Variants in STK39 observed in about 807,000 individuals in gnomAD.
The protein encoded by STK39 is STE20/SPS1-related proline-alanine-rich protein kinase.
STK39 carries 20 observed loss-of-function variants against 77.8 expected under a neutral mutation model. The ratio of observed to expected loss-of-function variants is 0.26; its 90% CI spans 0.18 to 0.37. The LOEUF (loss-of-function observed/expected upper bound fraction) is 0.37, where lower values mean the gene tolerates loss of function less well. STK39 is among the 10% of genes least tolerant of loss of function. The pLI is 1.00. For missense variants in STK39, 479 were observed against 656.5 expected, an observed-to-expected ratio of 0.73 and a Z score of 2.95; for synonymous variants, 246 against 234.1, an observed-to-expected ratio of 1.05 and a Z score of -0.47.
rs113627244 is a variant in STK39 at position 167,958,792 on chromosome 2, T to C, written c.1564-3222A>G. Among the ~76,000 whole-genome samples the C allele has an allele frequency of 1.3e-3, 205 of 152,336 alleles. 3 individuals are homozygous for C. The highest frequency in any genetic ancestry group is 4.7e-3 in the African/African-American group (194 of 41,574). On this transcript the variant is annotated intron_variant, in intron 17 of 17. Coordinates refer to ENST00000355999, the MANE Select transcript of STK39 (RefSeq NM_013233.3). ...CACTCTGAAACCACAGTATTGAAGT[T>C]TTCATACCCTGTTACCTTAAAATCT...
In STK39 at chr2:168,081,954, C is replaced by T. The variant is rs183982465; in HGVS notation, c.1090-6723G>A. 1.2e-3 allele frequency among the ~76,000 whole-genome samples: 188 copies of T among 152,268 alleles called. 2 individuals are homozygous for T. The highest frequency in any genetic ancestry group is 2.5e-3 in the South Asian group (12 of 4,818). On this transcript the variant is annotated intron_variant, in intron 10 of 17. Transcript: ENST00000355999. ...CTCCCTAGCCACATGGAACTATAAG[C>T]CCATTAAACCTCTATTTCTTTTGTA...
At chr2:168,218,494 TC>T (rs1445823929) in intron 1 of STK39, among the ~76,000 whole-genome samples, 3 of 152,188 alleles carry the variant, frequency 2.0e-5, no homozygotes, top group Non-Finnish European at 4.4e-5. Context: ...TCAACTGCTC[TC>T]CCACTTCTCC....
intron 1 of STK39, among the ~76,000 whole-genome samples, chr2:168,241,095 C>T (rs1574587051): frequency 6.6e-6 from 1 of 152,184 alleles, no homozygotes; most frequent in African/African-American, 2.4e-5. Context: ...ACGAGATAAC[C>T]GAGTAGCCAG....
intron 1 of STK39, among the ~76,000 whole-genome samples, chr2:168,199,524 A>AT (rs1162506752): frequency 6.7e-6 from 1 of 149,556 alleles, no homozygotes; most frequent in Non-Finnish European, 1.5e-5. Flanking sequence ...GTAATCCTGC[A>AT]TTTTAACTTT....
intron 2 of STK39, among the ~76,000 whole-genome samples, chr2:168,172,952 G>A (rs1688864742): frequency 6.6e-6 from 1 of 152,168 alleles, no homozygotes; most frequent in African/African-American, 2.4e-5. Context: ...ACCCACACCT[G>A]AGTCCCGGCC....
intron 17 of STK39, among the ~76,000 whole-genome samples, chr2:167,956,950 T>C (rs1691802093): frequency 1.3e-5 from 2 of 152,076 alleles, no homozygotes; most frequent in African/African-American, 4.8e-5. Flanking sequence ...AAACGTGCCC[T>C]TTCCAATCAC....
intron 1 of STK39, among the ~76,000 whole-genome samples, chr2:168,198,226 T>C (rs771102387): frequency 6.6e-6 from 1 of 152,210 alleles, no homozygotes; most frequent in Non-Finnish European, 1.5e-5. Flanking sequence ...AATTCTGCTA[T>C]TGTCACTGAG....
intron 14 of STK39, among the ~76,000 whole-genome samples, chr2:168,023,222 TA>T (rs1182098718): frequency 6.6e-6 from 1 of 151,580 alleles, no homozygotes; most frequent in Non-Finnish European, 1.5e-5. Flanking sequence ...AGCCTGACTT[TA>T]AAAAAATGTT....
rs778734921 is a variant in STK39, at chr2:168,140,682, G to T, written c.705C>A (p.Thr235=). The change falls in exon 6 of 18, where the codon ACC becomes ACA. Residue 235 remains threonine (T), a synonymous_variant. Transcript: ENST00000355999. The stretch of plus-strand genomic sequence containing the variant: ...TGACTTCAGGAGCCATCCAACATGG[G>T]GTGCCAACGAATGTTTTTCTTACTT... ...RNKVRKTFVG[T]PCWMAPEVME... 1 of 1,611,460 alleles carries T rather than the reference G, an allele frequency of 6.2e-7. No individual in the cohort carries two copies. The highest frequency in any genetic ancestry group is 1.1e-5 in the South Asian group (1 of 90,790).
At chr2:168,025,645 A>C (rs1684676381) in intron 14 of STK39, among the ~76,000 whole-genome samples, 1 of 152,260 alleles carries the variant, frequency 6.6e-6, no homozygotes, top group African/African-American at 2.4e-5. Flanking sequence ...TATTCAGGGA[A>C]TAGTCCTTGG....
At chr2:168,046,442 G>A (rs1394527538) in intron 14 of STK39, among the ~76,000 whole-genome samples, 1 of 152,184 alleles carries the variant, frequency 6.6e-6, no homozygotes, top group Non-Finnish European at 1.5e-5. Context: ...AGAAGGAGCA[G>A]CCGTTCAGCA....
chr2:168,186,160 C>T (rs891267992), intron 1 of STK39, among the ~76,000 whole-genome samples: 1 of 152,062 alleles, frequency 6.6e-6, no homozygotes, highest in Non-Finnish European at 1.5e-5. Flanking sequence ...CAAAAAGAGA[C>T]AATAGAGAGC....
intron 1 of STK39, among the ~76,000 whole-genome samples, chr2:168,216,596 C>T (rs140759569): frequency 9.7e-4 from 148 of 152,228 alleles, no homozygotes; most frequent in African/African-American, 3.4e-3. Context: ...TTTTCAGTGA[C>T]GTGAGTCATC....
chr2:168,042,000 C>T (rs1337194630), intron 14 of STK39, among the ~76,000 whole-genome samples: 1 of 152,164 alleles, frequency 6.6e-6, no homozygotes, highest in East Asian at 1.9e-4. Flanking sequence ...GCTTGCCTCG[C>T]TATATAATCT....
At chr2:168,138,398 T>A (rs1687892414) in intron 7 of STK39, among the ~76,000 whole-genome samples, 177 bp from the exon 8 acceptor site, 1 of 152,272 alleles carries the variant, frequency 6.6e-6, no homozygotes, top group African/African-American at 2.4e-5. Flanking sequence ...GCAAATGTGT[T>A]CATGCCCCCT....
At position 168,214,303 on chromosome 2, in the gene STK39, C is replaced by T. The variant is rs541696979; in HGVS notation, c.209-32213G>A. On this transcript the variant is annotated intron_variant, in intron 1 of 17. Coordinates refer to ENST00000355999, the MANE Select transcript of STK39 (RefSeq NM_013233.3). ...CTAAAAAGTGGGTACATTTTATCTA[C>T]GTAAATTAGATCTCAATAAAGATTG... Among the ~76,000 whole-genome samples the T allele has an allele frequency of 1.1e-4, 17 of 150,920 alleles. 1 individual carries two copies. The South Asian group carries it at 3.4e-3, about 30-fold the overall frequency.
intron 16 of STK39, among the ~76,000 whole-genome samples, chr2:167,984,950 TA>T (rs1413587619): frequency 6.6e-6 from 1 of 152,028 alleles, no homozygotes; most frequent in African/African-American, 2.4e-5. Flanking sequence ...ACATAGAATG[TA>T]AAAAAAACTA....
chr2:168,168,661 G>GT (rs1404775984), intron 2 of STK39, among the ~76,000 whole-genome samples: 1 of 152,172 alleles, frequency 6.6e-6, no homozygotes, highest in Non-Finnish European at 1.5e-5. Flanking sequence ...TCTGTAATAT[G>GT]TAACACTCAT....
At chr2:168,121,256 T>A (rs551739204) in intron 10 of STK39, among the ~76,000 whole-genome samples, 44 of 152,350 alleles carry the variant, frequency 2.9e-4, no homozygotes, top group African/African-American at 1.0e-3. Flanking sequence ...ACCTCTCACA[T>A]TTCCATCTGT....
Sources: allele counts gnomAD v4.1 joint callset (sites outside exome capture counted in the v4.1 genomes callset), GRCh38; gene constraint gnomAD v4.1.1; transcripts MANE v1.5; gene names NCBI Gene and HGNC (gene_info 2026-07-23, HGNC 2026-07-21).